Variants in ASIC2 observed in about 807,000 individuals in gnomAD.
The protein encoded by ASIC2 is acid-sensing ion channel 2.
ASIC2 carries 25 observed loss-of-function variants against 57.3 expected under a neutral mutation model. That is an observed-to-expected ratio of 0.44 (90% CI 0.32 to 0.61). The LOEUF (loss-of-function observed/expected upper bound fraction) is 0.61, where lower values mean the gene tolerates loss of function less well. ASIC2 is among the 20% of genes least tolerant of loss of function. ASIC2 has a pLI of 0.06. For missense variants in ASIC2, 641 were observed against 738.1 expected (o/e 0.87, Z 1.52); for synonymous variants, 319 against 307.5 (o/e 1.04, Z -0.39).
chr17:33,102,890 T>A (rs1250429486), intron 2 of ASIC2, among the ~76,000 whole-genome samples: 2 of 152,174 alleles, frequency 1.3e-5, no homozygotes, highest in African/African-American at 4.8e-5. Context: ...TTCACGCCAT[T>A]CTCCTGCCTC....
chr17:34,144,208 A>G (rs1912352981), intron 1 of ASIC2, among the ~76,000 whole-genome samples: 2 of 152,228 alleles, frequency 1.3e-5, no homozygotes, highest in African/African-American at 4.8e-5. Flanking sequence ...TATTCCATGT[A>G]AAGTGCATAG....
chr17:33,023,809 C>T, intron 6 of ASIC2, 52 bp downstream of exon 6: 1 of 1,604,380 alleles, frequency 6.2e-7, no homozygotes, highest in African/African-American at 1.3e-5. Flanking sequence ...CCTCCAATTT[C>T]CTCCTTATCC....
chr17:33,892,289 G>A (rs1045873649), intron 1 of ASIC2, among the ~76,000 whole-genome samples: 6 of 152,184 alleles, frequency 3.9e-5, no homozygotes, highest in Admixed American at 1.3e-4. Context: ...GGTAAGGCGG[G>A]AAGAAAGGCC....
intron 1 of ASIC2, among the ~76,000 whole-genome samples, chr17:33,552,642 T>C (rs943393947): frequency 6.6e-6 from 1 of 152,222 alleles, no homozygotes. Context: ...AAAGTCCTGG[T>C]ACATTTAGAC....
At chr17:34,062,922 C>T (rs1000752744) in intron 1 of ASIC2, among the ~76,000 whole-genome samples, 10 of 152,082 alleles carry the variant, frequency 6.6e-5, no homozygotes, top group Admixed American at 2.0e-4. Context: ...GAATTCACAA[C>T]AGAATTCTAC....
rs559896044 is a variant in ASIC2 at position 33,521,999 on chromosome 17, C to T, written c.556-409932G>A. On this transcript the variant is annotated intron_variant, in intron 1 of 9. Coordinates refer to the ASIC2 transcript ENST00000359872. Reference sequence around the variant, plus strand: ...GCTAGGGGGCCCTCTGCTGGGCAGCCGCTGCCTGGCCTATGGGATAGCTGA... The same window carrying T: ...GCTAGGGGGCCCTCTGCTGGGCAGCTGCTGCCTGGCCTATGGGATAGCTGA... 3.9e-4 allele frequency among the ~76,000 whole-genome samples: 60 copies of T among 152,302 alleles called. 1 individual carries two copies. The highest frequency in any genetic ancestry group is 7.0e-4 in the African/African-American group (29 of 41,566).
At chr17:33,822,458 T>G (rs1235185255) in intron 1 of ASIC2, among the ~76,000 whole-genome samples, 1 of 152,218 alleles carries the variant, frequency 6.6e-6, no homozygotes, top group African/African-American at 2.4e-5. Flanking sequence ...ATTCCCCATA[T>G]TTCTCATCAT....
At chr17:33,804,887 C>CTT (rs112023919) in intron 1 of ASIC2, among the ~76,000 whole-genome samples, 2 of 147,110 alleles carry the variant, frequency 1.4e-5, no homozygotes, top group Non-Finnish European at 3.0e-5. Flanking sequence ...TTTGATCTCT[C>CTT]TTTTTTTTTT....
intron 1 of ASIC2, among the ~76,000 whole-genome samples, chr17:33,426,802 C>A (rs757563102): frequency 1.3e-5 from 2 of 152,130 alleles, no homozygotes; most frequent in Non-Finnish European, 2.9e-5. Flanking sequence ...TGGAAATAAG[C>A]AAGTAATCAC....
intron 1 of ASIC2, among the ~76,000 whole-genome samples, chr17:33,876,811 A>T (rs1481853382): frequency 6.6e-6 from 1 of 152,138 alleles, no homozygotes; most frequent in East Asian, 1.9e-4. Context: ...GATTCTACTG[A>T]TTCTCCATGC....
chr17:34,109,869 T>G (rs187140808), intron 1 of ASIC2, among the ~76,000 whole-genome samples: 4 of 152,204 alleles, frequency 2.6e-5, no homozygotes, highest in Non-Finnish European at 5.9e-5. Context: ...TGAAAATAAG[T>G]TTTTCTCTCT....
intron 1 of ASIC2, among the ~76,000 whole-genome samples, chr17:33,785,421 A>T (rs989500098): frequency 1.3e-5 from 2 of 152,122 alleles, no homozygotes; most frequent in Non-Finnish European, 2.9e-5. Flanking sequence ...ATGCAGTTAC[A>T]ACAACTCCAT....
chr17:33,449,073 T>C (rs538037613), intron 1 of ASIC2, among the ~76,000 whole-genome samples: 52 of 152,180 alleles, frequency 3.4e-4, no homozygotes, highest in Non-Finnish European at 6.8e-4. Flanking sequence ...AGATGATGAA[T>C]AGGAAACTGT....
chr17:33,490,425 G>A (rs529631583), intron 1 of ASIC2, among the ~76,000 whole-genome samples: 2 of 152,350 alleles, frequency 1.3e-5, no homozygotes, highest in East Asian at 3.9e-4. Context: ...GATTGACGTG[G>A]TTTGGCTGTG....
intron 1 of ASIC2, among the ~76,000 whole-genome samples, chr17:33,535,181 G>T (rs1915187046): frequency 6.6e-6 from 1 of 151,970 alleles, no homozygotes; most frequent in Non-Finnish European, 1.5e-5. Flanking sequence ...TGGTTGCCTG[G>T]CCAAAACCTG....
Position 33,028,336 on chromosome 17 carries a change from G to A in ASIC2, c.1044C>T (p.Asp348=), listed in dbSNP as rs769697885. Residue 348 remains aspartate (D), a synonymous_variant, in exon 4 of 10, where the codon GAC becomes GAT. Transcript: ENST00000225823. ...GECRSSEMGL[D]FFPVYSITAC... ...CGGTGATGCTGTAAACAGGAAAAAA[G>A]TCGAGGCCCATCTCTGAGGATCGGC... The A allele has an allele frequency of 1.7e-5, 27 of 1,614,132 alleles. No homozygotes were observed. The highest frequency in any genetic ancestry group is 2.1e-5 in the Non-Finnish European group (25 of 1,180,028).
chr17:33,567,953 T>C (rs1597788274), intron 1 of ASIC2, among the ~76,000 whole-genome samples: 1 of 152,210 alleles, frequency 6.6e-6, no homozygotes, highest in East Asian at 1.9e-4. Flanking sequence ...ACTTCCACAA[T>C]GTCCTTATTA....
At chr17:33,228,755 A>C (rs1015085372) in intron 1 of ASIC2, among the ~76,000 whole-genome samples, 2 of 152,174 alleles carry the variant, frequency 1.3e-5, no homozygotes, top group African/African-American at 4.8e-5. Flanking sequence ...CACTTCCACT[A>C]TCCTTCCCTG....
chr17:33,540,508 G>A (rs1042473751), intron 1 of ASIC2, among the ~76,000 whole-genome samples: 1 of 152,074 alleles, frequency 6.6e-6, no homozygotes, highest in Non-Finnish European at 1.5e-5. Context: ...CAGGCTAGCT[G>A]GTCTACCTGG....
Sources: allele counts gnomAD v4.1 joint callset (sites outside exome capture counted in the v4.1 genomes callset), GRCh38; gene constraint gnomAD v4.1.1; transcripts MANE v1.5; gene names NCBI Gene and HGNC (gene_info 2026-07-23, HGNC 2026-07-21).